The following FHOD3 variants were observed in gnomAD, a reference collection of about 807,000 sequenced individuals.
The protein encoded by FHOD3 is FH1/FH2 domain-containing protein 3.
A neutral mutation model predicts 173.0 loss-of-function variants in FHOD3; 90 were observed. The observed-to-expected ratio is 0.52, with a 90% confidence interval of 0.44 to 0.62. FHOD3 has a LOEUF of 0.62. Among genes scored for constraint, FHOD3 ranks in the 20% least tolerant of loss-of-function variants. The pLI is 0.00. For synonymous variants in FHOD3, 828 were observed against 823.0 expected, an observed-to-expected ratio of 1.01 and a Z score of -0.10; for missense variants, 1,945 against 2,034.7, an observed-to-expected ratio of 0.96 and a Z score of 0.85.
chr18:36,748,383 A>C (rs145871312), intron 24 of FHOD3, among the ~76,000 whole-genome samples: 38 of 28,304 alleles, frequency 1.3e-3, no homozygotes, highest in Non-Finnish European at 2.4e-3. Flanking sequence ...CACACACACA[A>C]CACACACACA....
Position 36,372,716 on chromosome 18 carries a change from G to A in FHOD3, c.309G>A (p.Gln103=), listed in dbSNP as rs2047254117. ...AGCACAGCATCATCCTAAGGACGCA[G>A]CTGTCTGTGAGGGTCCATGCCTGCA... is the stretch of plus-strand genomic sequence containing the variant. The part of the protein sequence containing the change: ...GKKHSIILRT[Q]LSVRVHACIE... The change falls in exon 3 of 29, where the codon CAG becomes CAA. Residue 103 remains glutamine (Q), a synonymous_variant. Transcript: ENST00000590592. 6.2e-7 allele frequency: 1 copy of A among 1,613,942 alleles called. No homozygotes were observed. Among genetic ancestry groups the A allele is most frequent in the Non-Finnish European group, 8.5e-7 (1 of 1,179,986 alleles).
At chr18:36,611,565 G>A (rs2032678895) in intron 8 of FHOD3, among the ~76,000 whole-genome samples, 1 of 152,060 alleles carries the variant, frequency 6.6e-6, no homozygotes, top group Non-Finnish European at 1.5e-5. Flanking sequence ...TCTTTTAAAG[G>A]GCCTACCTGA....
chr18:36,766,953 A>C (rs2150348691), intron 27 of FHOD3, among the ~76,000 whole-genome samples: 1 of 152,234 alleles, frequency 6.6e-6, no homozygotes, highest in East Asian at 1.9e-4. Context: ...AAGGGAAAAC[A>C]GGAAATTGCG....
intron 3 of FHOD3, among the ~76,000 whole-genome samples, chr18:36,434,237 C>T (rs1464859237): frequency 6.6e-6 from 1 of 152,026 alleles, no homozygotes. Flanking sequence ...GTCTATAATC[C>T]AATTTGACTT....
intron 17 of FHOD3, among the ~76,000 whole-genome samples, chr18:36,708,375 A>G (rs976744962): frequency 6.6e-6 from 1 of 152,178 alleles, no homozygotes; most frequent in Non-Finnish European, 1.5e-5. Flanking sequence ...TTGATCCACC[A>G]TGGATTTTGT....
intron 14 of FHOD3, among the ~76,000 whole-genome samples, chr18:36,662,293 C>G (rs1226357787): frequency 1.3e-5 from 2 of 152,136 alleles, no homozygotes; most frequent in East Asian, 3.9e-4. Flanking sequence ...CTAAGACAGT[C>G]CTTGTTCTGG....
At chr18:36,386,381 A>T (rs1362835390) in intron 3 of FHOD3, among the ~76,000 whole-genome samples, 2 of 152,202 alleles carry the variant, frequency 1.3e-5, no homozygotes, top group African/African-American at 4.8e-5. Flanking sequence ...CCTCTTTACC[A>T]GGTAGCGGCT....
chr18:36,619,734 G>A (rs2033545096), intron 9 of FHOD3, among the ~76,000 whole-genome samples: 1 of 152,230 alleles, frequency 6.6e-6, no homozygotes, highest in Non-Finnish European at 1.5e-5. Context: ...ACTCTAATGA[G>A]GTGCAGACAG....
chr18:36,455,871 C>T (rs2052170671), intron 3 of FHOD3, among the ~76,000 whole-genome samples: 1 of 152,098 alleles, frequency 6.6e-6, no homozygotes, highest in South Asian at 2.1e-4. Context: ...AAATTTGGTT[C>T]TTCCTTCCCT....
chr18:36,610,086 G>A lies in FHOD3; in HGVS notation c.814-1866G>A, dbSNP rs73948085. On this transcript the variant is annotated intron_variant, in intron 8 of 28. Transcript: ENST00000590592. Reference sequence around the variant, plus strand: ...AAAGGTGAAAGGGGAAGAAGAAGGTGGGGGAACGAGGTGAAGAGACTACCA... The same window carrying A: ...AAAGGTGAAAGGGGAAGAAGAAGGTAGGGGAACGAGGTGAAGAGACTACCA... Among the ~76,000 whole-genome samples, 810 of 152,300 alleles carry A rather than the reference G, an allele frequency of 5.3e-3. 10 individuals are homozygous for A. The highest frequency in any genetic ancestry group is 0.019 in the African/African-American group (770 of 41,558).
At chr18:36,704,372 T>C (rs988526487) in intron 17 of FHOD3, among the ~76,000 whole-genome samples, 4 of 152,212 alleles carry the variant, frequency 2.6e-5, no homozygotes, top group Non-Finnish European at 4.4e-5. Flanking sequence ...TTCCTTGCCA[T>C]GTCTTCCTTT....
At chr18:36,324,808 G>A (rs1010542684) in intron 1 of FHOD3, among the ~76,000 whole-genome samples, 12 of 152,202 alleles carry the variant, frequency 7.9e-5, no homozygotes, top group African/African-American at 2.9e-4. Flanking sequence ...TGCATGGTCT[G>A]TGACCTAGCA....
intron 2 of FHOD3, among the ~76,000 whole-genome samples, chr18:36,360,383 A>G (rs918319747): frequency 3.9e-5 from 6 of 152,202 alleles, no homozygotes; most frequent in Non-Finnish European, 8.8e-5. Context: ...CCTGTGCCAC[A>G]GGGTTGGCTG....
rs113224179 is a variant in FHOD3 at position 36,698,722 on chromosome 18, A to G, written c.2236+5299A>G. 3.3e-5 allele frequency among the ~76,000 whole-genome samples: 5 copies of G among 152,330 alleles called. 1 individual carries two copies. Among genetic ancestry groups the G allele is most frequent in the Admixed American group, 1.3e-4 (2 of 15,300 alleles). On this transcript the variant is annotated intron_variant, in intron 17 of 28. Coordinates refer to ENST00000590592, the MANE Select transcript of FHOD3 (RefSeq NM_001281740.3). ...TAAGCTAATGTGCTGCCTTGCCACA[A>G]TTCCGTGGATGCTGGCAGAAGACAC... is the stretch of plus-strand genomic sequence containing the variant.
chr18:36,372,578 C>T (rs2047245160), intron 2 of FHOD3, 102 bp from the exon 3 acceptor site: 3 of 841,016 alleles, frequency 3.6e-6, no homozygotes, highest in Admixed American at 2.2e-5. Context: ...TCTCTGGATC[C>T]CCACTTAAGT....
intron 19 of FHOD3, among the ~76,000 whole-genome samples, chr18:36,720,126 A>G (rs918437356): frequency 6.6e-6 from 1 of 152,040 alleles, no homozygotes; most frequent in African/African-American, 2.4e-5. Context: ...TCTCCAGAAA[A>G]TAACACCTAA....
At chr18:36,437,329 G>T (rs934341400) in intron 3 of FHOD3, among the ~76,000 whole-genome samples, 2 of 152,114 alleles carry the variant, frequency 1.3e-5, no homozygotes, top group Non-Finnish European at 2.9e-5. Context: ...GCCTGGCCAA[G>T]TATTAGCTTT....
At chr18:36,614,778 G>A (rs1473086540) in intron 9 of FHOD3, among the ~76,000 whole-genome samples, 1 of 150,770 alleles carries the variant, frequency 6.6e-6, no homozygotes, top group Non-Finnish European at 1.5e-5. Context: ...AGTGCATATT[G>A]GCTGTCTGTA....
At chr18:36,387,437 T>A (rs963437019) in intron 3 of FHOD3, among the ~76,000 whole-genome samples, 6 of 152,196 alleles carry the variant, frequency 3.9e-5, no homozygotes, top group Non-Finnish European at 7.3e-5. Context: ...TTCTTGTGGG[T>A]AAGCTTGAAA....
Sources: allele counts gnomAD v4.1 joint callset (sites outside exome capture counted in the v4.1 genomes callset), GRCh38; gene constraint gnomAD v4.1.1; transcripts MANE v1.5; gene names NCBI Gene and HGNC (gene_info 2026-07-23, HGNC 2026-07-21).